UBE3C: variants seen among roughly 807,000 people sequenced by gnomAD.
UBE3C encodes ubiquitin-protein ligase E3C.
UBE3C carries 42 observed loss-of-function variants against 129.4 expected under a neutral mutation model. That is an observed-to-expected ratio of 0.32 (90% CI 0.25 to 0.42). The LOEUF (loss-of-function observed/expected upper bound fraction) is 0.42. UBE3C is among the 10% of genes least tolerant of loss of function. UBE3C has a pLI of 1.00. For missense variants in UBE3C, 1,049 were observed against 1,319.1 expected (o/e 0.80, Z 3.17); for synonymous variants, 510 against 492.4 (o/e 1.04, Z -0.47).
At chr7:157,224,089 G>A (rs1020153533) in intron 16 of UBE3C, among the ~76,000 whole-genome samples, 3 of 152,014 alleles carry the variant, frequency 2.0e-5, no homozygotes, top group Admixed American at 6.6e-5. Context: ...GCTCACAGCA[G>A]CCTCAAACTC....
At chr7:157,208,700 A>G (rs1022490274) in intron 13 of UBE3C, among the ~76,000 whole-genome samples, 7 of 152,354 alleles carry the variant, frequency 4.6e-5, no homozygotes, top group South Asian at 2.1e-4. Flanking sequence ...ATTTTAACAT[A>G]TCTTCGTTCT....
chr7:157,262,449 C>G (rs927653177), intron 22 of UBE3C, among the ~76,000 whole-genome samples: 1 of 88,756 alleles, frequency 1.1e-5, no homozygotes, highest in Non-Finnish European at 2.0e-5. Context: ...GATAGAGTTT[C>G]GCTCCTGTTG....
Position 157,259,361 on chromosome 7 carries a change from A to G in UBE3C, c.3081+2317A>G, listed in dbSNP as rs73743399. Among the ~76,000 whole-genome samples the G allele has an allele frequency of 4.8e-3, 736 of 152,262 alleles. 4 individuals carry two copies. Among genetic ancestry groups the G allele is most frequent in the African/African-American group, 0.017 (707 of 41,558 alleles). ...CCCCCATTTTCAAGGGGTGCAGGCA[A>G]GTTATCTTGAGAATGTTCGTCAATG... is the stretch of plus-strand genomic sequence containing the variant. On this transcript the variant is annotated intron_variant, in intron 22 of 22. Coordinates refer to ENST00000348165, the MANE Select transcript of UBE3C (RefSeq NM_014671.3).
intron 10 of UBE3C, chr7:157,198,485 G>A (rs1036087154): frequency 3.5e-5 from 15 of 432,296 alleles, no homozygotes; most frequent in African/African-American, 1.4e-4. Flanking sequence ...CCTGCTCACC[G>A]AGCTCAGGGC....
intron 1 of UBE3C, among the ~76,000 whole-genome samples, chr7:157,154,150 G>A (rs1035345044): frequency 9.9e-5 from 15 of 152,126 alleles, no homozygotes; most frequent in African/African-American, 2.9e-4. Context: ...GTGAAATCCC[G>A]TCTCTACTAA....
chr7:157,167,294 C>T (rs1267572280), intron 2 of UBE3C, among the ~76,000 whole-genome samples: 1 of 152,058 alleles, frequency 6.6e-6, no homozygotes, highest in African/African-American at 2.4e-5. Flanking sequence ...TGATGGTGTT[C>T]TTGAATCCCA....
intron 1 of UBE3C, among the ~76,000 whole-genome samples, chr7:157,157,509 C>A (rs1314090254): frequency 6.6e-6 from 1 of 151,954 alleles, no homozygotes; most frequent in South Asian, 2.1e-4. Context: ...CATACATTGA[C>A]ATGATCTCCT....
chr7:157,245,361 G>C (rs1239573864), intron 18 of UBE3C, among the ~76,000 whole-genome samples: 2 of 152,138 alleles, frequency 1.3e-5, no homozygotes, highest in Non-Finnish European at 1.5e-5. Flanking sequence ...ACAAATGAGG[G>C]CTTTTCTTCA....
chr7:157,264,204 G>C (rs1797004208), intron 22 of UBE3C, among the ~76,000 whole-genome samples: 1 of 147,208 alleles, frequency 6.8e-6, no homozygotes, highest in African/African-American at 2.5e-5. Flanking sequence ...CACACACCTG[G>C]TATTACAGGG....
Position 157,254,293 on chromosome 7 carries a change from C to T in UBE3C, c.2933C>T (p.Ser978Phe). 1 of 1,612,240 alleles carries T rather than the reference C, an allele frequency of 6.2e-7. No homozygotes were observed. Among genetic ancestry groups the T allele is most frequent in the Non-Finnish European group, 8.5e-7 (1 of 1,179,554 alleles). ...QVPISLEDLKSFTNYSGGYSA... is the reference protein window; with the variant it reads ...QVPISLEDLKFFTNYSGGYSA... ...CCCATAAGCCTAGAGGACCTAAAAT[C>T]CTTTACAAACTATTCAGGTATGTTA... The change falls in exon 21 of 23, where the codon TCC (serine) becomes TTC (phenylalanine). Residue 978 changes from serine (S) to phenylalanine (F), a missense_variant. Physicochemically the swap from Ser to Phe is radical, Grantham distance 155. This residue lies in a region of UBE3C where 243 missense variants were observed against 368.7 expected (regional missense o/e 0.66). Coordinates refer to ENST00000348165, the MANE Select transcript of UBE3C (RefSeq NM_014671.3).
At chr7:157,238,413 C>T (rs1796208687) in intron 18 of UBE3C, among the ~76,000 whole-genome samples, 1 of 152,010 alleles carries the variant, frequency 6.6e-6, no homozygotes, top group South Asian at 2.1e-4. Flanking sequence ...AGTGATGCTG[C>T]TGCCCATGTC....
At chr7:157,218,555 G>C (rs1795644672) in intron 14 of UBE3C, among the ~76,000 whole-genome samples, 1 of 152,194 alleles carries the variant, frequency 6.6e-6, no homozygotes, top group Non-Finnish European at 1.5e-5. Flanking sequence ...AGATATTTGT[G>C]AGTTAAGCCT....
chr7:157,151,347 T>G (rs2116814970), intron 1 of UBE3C, among the ~76,000 whole-genome samples: 1 of 152,296 alleles, frequency 6.6e-6, no homozygotes, highest in African/African-American at 2.4e-5. Context: ...AACAACACAG[T>G]GAGTTAAAAA....
chr7:157,220,939 A>G, intron 15 of UBE3C, 163 bp downstream of exon 15: 1 of 758,468 alleles, frequency 1.3e-6, no homozygotes, highest in Non-Finnish European at 2.0e-6. Flanking sequence ...AATTGCCTCT[A>G]GCTCCATTGC....
In UBE3C at chr7:157,171,219, G is replaced by A. The variant is rs144449489; in HGVS notation, c.342+769G>A. Among the ~76,000 whole-genome samples, 6 of 152,150 alleles carry A rather than the reference G, an allele frequency of 3.9e-5. No individual in the cohort carries two copies. The East Asian group carries it at 9.7e-4, about 25-fold the overall frequency. Reference sequence around the variant, plus strand: ...TGGCTCACTGCAACCTTCCCCTCCCGGGCTCAAGCAATCGGTGGTGTCTCA... The same window carrying A: ...TGGCTCACTGCAACCTTCCCCTCCCAGGCTCAAGCAATCGGTGGTGTCTCA... On this transcript the variant is annotated intron_variant, in intron 4 of 22. Coordinates refer to ENST00000348165, the MANE Select transcript of UBE3C (RefSeq NM_014671.3).
At chr7:157,178,669 A>G in intron 5 of UBE3C, 21 bp from the exon 6 acceptor site, 1 of 1,608,846 alleles carries the variant, frequency 6.2e-7, no homozygotes, top group South Asian at 1.1e-5. Context: ...AAGTGTGTGA[A>G]TACTTTTTTC....
chr7:157,170,360 C>T lies in UBE3C; in HGVS notation c.252C>T (p.Gly84=), dbSNP rs144846986. 64 of 1,576,974 alleles carry T rather than the reference C, an allele frequency of 4.1e-5. No individual in the cohort carries two copies. Among genetic ancestry groups the T allele is most frequent in the Non-Finnish European group, 5.2e-5 (60 of 1,164,866 alleles). The change falls in exon 4 of 23, where the codon GGC becomes GGT. Residue 84 remains glycine, a synonymous_variant. Transcript: ENST00000348165. ...DRCATLSQSG[G]AFPIANGPNL... ...GTGCTACCTTGTCACAGTCCGGGGG[C>T]GCTTTTCCCATTGCTAATGGCCCCA...
chr7:157,172,530 C>G (rs1808405748), intron 4 of UBE3C, among the ~76,000 whole-genome samples: 1 of 152,078 alleles, frequency 6.6e-6, no homozygotes, highest in Non-Finnish European at 1.5e-5. Context: ...CTTTAAAACC[C>G]AGCATTGCCT....
chr7:157,183,745 A>G (rs1234752444), intron 8 of UBE3C, 133 bp from the exon 9 acceptor site: 2 of 1,133,896 alleles, frequency 1.8e-6, no homozygotes, highest in Admixed American at 4.6e-5. Flanking sequence ...TCCTATTATA[A>G]CACAGTTAGA....
Sources: gnomAD v4.1 joint callset for allele counts (sites outside exome capture counted in the v4.1 genomes callset) on GRCh38, gnomAD v4.1.1 for gene constraint, gnomAD v4.1.1 regional missense constraint, MANE v1.5 for transcripts, NCBI Gene and HGNC (gene_info 2026-07-23, HGNC 2026-07-21) for gene names.